The following EIF2B3 variants were observed in gnomAD, a reference collection of about 807,000 sequenced individuals.
EIF2B3 encodes the protein eukaryotic translation initiation factor 2B subunit gamma, also known as translation initiation factor eIF2B subunit gamma.
Under a neutral mutation model 54.1 loss-of-function variants are expected in EIF2B3, and 20 were observed. That is an observed-to-expected ratio of 0.37 (90% CI 0.26 to 0.54). EIF2B3 has a LOEUF of 0.54. Ranked by LOEUF, EIF2B3 falls within the 20% of genes least tolerant of loss-of-function variation. The probability of loss-of-function intolerance (pLI) is 0.86; values close to 1 mark genes in which losing one functional copy is unlikely to be tolerated. For missense variants in EIF2B3, 448 were observed against 547.8 expected (o/e 0.82, Z 1.82); for synonymous variants, 153 against 188.1 (o/e 0.81, Z 1.52).
rs1553169362 is a variant in EIF2B3, at chr1:44,877,192, T to TTAA, written c.976-1498_976-1497insTTA. 7.8e-3 allele frequency among the ~76,000 whole-genome samples: 406 copies of TTAA among 52,006 alleles called. 14 individuals are homozygous for TTAA. The highest frequency in any genetic ancestry group is 0.016 in the Middle Eastern group (1 of 64). 34.1% of individuals were successfully genotyped at this position (52,006 alleles called of 152,430 possible). On this transcript the variant is annotated intron_variant, in intron 8 of 11. Coordinates refer to ENST00000360403, the MANE Select transcript of EIF2B3 (RefSeq NM_020365.5). ...GCGAGAAACACCCAAGAATGATCAATAAAAAAAAAAAAAAAAAAAAAAAAA... is the reference window on the plus strand; with the variant it reads ...GCGAGAAACACCCAAGAATGATCAATTAAAAAAAAAAAAAAAAAAAAAAAAAAA...
chr1:44,856,471 C>T (rs1003517900), intron 11 of EIF2B3, among the ~76,000 whole-genome samples: 2 of 147,306 alleles, frequency 1.4e-5, no homozygotes, highest in African/African-American at 5.1e-5. Context: ...GCTGAGATAG[C>T]ACTACTGTAC....
intron 5 of EIF2B3, among the ~76,000 whole-genome samples, chr1:44,905,923 C>T (rs1643403155): frequency 6.6e-6 from 1 of 152,186 alleles, no homozygotes; most frequent in Non-Finnish European, 1.5e-5. Context: ...CTGCTGTTCA[C>T]CCTCACCCAT....
At chr1:44,947,989 G>A (rs1023009578) in intron 3 of EIF2B3, among the ~76,000 whole-genome samples, 13 of 152,098 alleles carry the variant, frequency 8.5e-5, no homozygotes, top group African/African-American at 3.1e-4. Flanking sequence ...TTACATGCAT[G>A]AGCCACTGCA....
At chr1:44,920,054 G>A (rs1189112717) in intron 5 of EIF2B3, among the ~76,000 whole-genome samples, 2 of 135,978 alleles carry the variant, frequency 1.5e-5, no homozygotes, top group Non-Finnish European at 3.1e-5. Flanking sequence ...TTTTTTTTTC[G>A]AGCAGAGTCT....
At chr1:44,856,645 C>T (rs1654442854) in intron 11 of EIF2B3, among the ~76,000 whole-genome samples, 1 of 150,814 alleles carries the variant, frequency 6.6e-6, no homozygotes, top group African/African-American at 2.4e-5. Context: ...TTCTAAAGCC[C>T]AAAAGGAAGG....
At chr1:44,943,578 C>T (rs1046421179) in intron 3 of EIF2B3, among the ~76,000 whole-genome samples, 1 of 151,610 alleles carries the variant, frequency 6.6e-6, no homozygotes, top group Non-Finnish European at 1.5e-5. Context: ...CCCCACCACA[C>T]CTGGCTAATT....
At chr1:44,959,245 T>C (rs1644260186) in intron 3 of EIF2B3, 3 of 697,952 alleles carry the variant, frequency 4.3e-6, no homozygotes, top group Non-Finnish European at 5.3e-6. Context: ...GTGATGGAGA[T>C]GGAGATTTTC....
At chr1:44,971,275 C>T (rs387703) in intron 3 of EIF2B3, among the ~76,000 whole-genome samples, 29 of 150,924 alleles carry the variant, frequency 1.9e-4, no homozygotes, top group African/African-American at 6.3e-4. Context: ...CCCAGCTACT[C>T]GGGAGGCTGA....
intron 10 of EIF2B3, among the ~76,000 whole-genome samples, chr1:44,874,139 A>T (rs1369687002): frequency 6.6e-6 from 1 of 152,214 alleles, no homozygotes; most frequent in Non-Finnish European, 1.5e-5. Flanking sequence ...GATTAGGGAT[A>T]TTCAACTTGT....
chr1:44,881,886 CA>C lies in EIF2B3; in HGVS notation c.657-148del. On this transcript the variant is annotated intron_variant, in intron 6 of 11. Transcript: ENST00000360403. This position sits in a 1 kb window ranked among gnomAD's most constrained non-coding sequence, Gnocchi z 4.0. ...GAGATCAAATGTGGCATTGACTTGGCAGTTCGGAGAAGCAGAGTGCTTCCTG... is the reference window on the plus strand; with the variant it reads ...GAGATCAAATGTGGCATTGACTTGGCGTTCGGAGAAGCAGAGTGCTTCCTG... 1 of 1,103,922 alleles carries C rather than the reference CA, an allele frequency of 9.1e-7. No homozygotes were observed. Among genetic ancestry groups the C allele is most frequent in the Middle Eastern group, 2.0e-4 (1 of 4,916 alleles). The allele number at this position is 1,103,922 out of a possible 1,614,324, so 68.4% of individuals were successfully genotyped here.
chr1:44,925,502 G>A (rs1643833953), intron 5 of EIF2B3, among the ~76,000 whole-genome samples: 1 of 152,078 alleles, frequency 6.6e-6, no homozygotes, highest in Non-Finnish European at 1.5e-5. Context: ...AGGCCTTGCG[G>A]GGAGAAAAAA....
At chr1:44,895,023 G>A (rs1655920266) in intron 6 of EIF2B3, among the ~76,000 whole-genome samples, 1 of 152,152 alleles carries the variant, frequency 6.6e-6, no homozygotes, top group Non-Finnish European at 1.5e-5. Context: ...TTGCCCTGCT[G>A]TGCCTTTTTA....
At chr1:44,959,398 C>A (rs1224743190) in intron 3 of EIF2B3, 1 of 522,862 alleles carries the variant, frequency 1.9e-6, no homozygotes, top group Non-Finnish European at 3.6e-6. Flanking sequence ...GAATTTGAGC[C>A]AGGCATGGTG....
intron 1 of EIF2B3, among the ~76,000 whole-genome samples, chr1:44,986,197 T>C (rs1452531724): frequency 2.7e-5 from 4 of 149,744 alleles, no homozygotes; most frequent in African/African-American, 7.4e-5. Context: ...TGGAGTGCAG[T>C]GGCGCGAATT....
rs1000044971 is a variant in EIF2B3 at position 44,902,760 on chromosome 1, C to T, written c.567-5316G>A. ...GGAGGACTGTTTGAGCCCAGGAGCTCGAGGCTGCTGCGAGCCATGAACGTG... is the reference window on the plus strand; with the variant it reads ...GGAGGACTGTTTGAGCCCAGGAGCTTGAGGCTGCTGCGAGCCATGAACGTG... On this transcript the variant is annotated intron_variant, in intron 5 of 11. Transcript: ENST00000360403. 3.6e-5 allele frequency among the ~76,000 whole-genome samples: 5 copies of T among 138,032 alleles called. No homozygotes were observed. The East Asian group carries it at 9.0e-4, about 25-fold the overall frequency. The allele number at this position is 138,032 out of a possible 152,430, so 90.6% of individuals were successfully genotyped here. A position where few individuals can be genotyped will look rare whatever the true frequency, so the allele number is the denominator to read the frequency against.
intron 3 of EIF2B3, among the ~76,000 whole-genome samples, chr1:44,953,700 G>A (rs943054361): frequency 6.6e-6 from 1 of 152,142 alleles, no homozygotes; most frequent in Non-Finnish European, 1.5e-5. Flanking sequence ...GGCTGAGGTG[G>A]GAAGACTGCT....
intron 3 of EIF2B3, among the ~76,000 whole-genome samples, chr1:44,975,331 A>G (rs1557713330): frequency 6.6e-6 from 1 of 152,226 alleles, no homozygotes; most frequent in South Asian, 2.1e-4. Context: ...GTTCTGAGAA[A>G]TCCGGTATGT....
At chr1:44,891,248 TGCCA>T (rs1183706504) in intron 6 of EIF2B3, among the ~76,000 whole-genome samples, 2 of 152,168 alleles carry the variant, frequency 1.3e-5, no homozygotes, top group Admixed American at 1.3e-4. Context: ...TACAGGCATG[TGCCA>T]CCATGCTAAT....
chr1:44,982,718 A>G (rs187545039), intron 1 of EIF2B3, among the ~76,000 whole-genome samples: 96 of 151,122 alleles, frequency 6.4e-4, no homozygotes, highest in Admixed American at 2.0e-3. Flanking sequence ...CTCCTGCCCC[A>G]ACCTCTGGAG....
Sources: allele counts gnomAD v4.1 joint callset (sites outside exome capture counted in the v4.1 genomes callset), GRCh38; gene constraint gnomAD v4.1.1; non-coding constraint Gnocchi (gnomAD v3.1); transcripts MANE v1.5; gene names NCBI Gene and HGNC (gene_info 2026-07-23, HGNC 2026-07-21).